EPHA2: variants seen among roughly 807,000 people sequenced by gnomAD.
EPHA2 encodes the protein EPH receptor A2.
In EPHA2, 54 loss-of-function variants were observed where a neutral mutation model predicts 104.9. That is an observed-to-expected ratio of 0.51 (90% CI 0.41 to 0.65). The LOEUF (loss-of-function observed/expected upper bound fraction) is 0.65, where lower values mean the gene tolerates loss of function less well. Among genes scored for constraint, EPHA2 ranks in the 30% least tolerant of loss-of-function variants. The pLI, the probability that EPHA2 is intolerant of heterozygous loss-of-function variation, is 0.00. For missense variants in EPHA2, 1,117 were observed against 1,369.5 expected (o/e 0.82, Z 2.91); for synonymous variants, 560 against 559.1 (o/e 1.00, Z -0.02).
In EPHA2 at chr1:16,138,066, C is replaced by G. The variant is rs763114831; in HGVS notation, c.1099G>C (p.Glu367Gln). The G allele has an allele frequency of 6.2e-7, 1 of 1,612,578 alleles. No homozygotes were observed. Among genetic ancestry groups the G allele is most frequent in the African/African-American group, 1.3e-5 (1 of 74,954 alleles). ...TCCCCAGACTCGGGCCAGCACTGTT[C>G]GCAGGTGACGCTGTAGACAATGTCC... ...REDIVYSVTC[E>Q]QCWPESGECG... The change falls in exon 5 of 17, where the codon GAA becomes CAA. Residue 367 changes from glutamate (E) to glutamine (Q), a missense_variant. Transcript: ENST00000358432.
In EPHA2 at chr1:16,129,565, C is replaced by A. The variant is rs768602571; in HGVS notation, c.2694G>T (p.Thr898=). The change falls in exon 16 of 17, where the codon ACG becomes ACT. Residue 898 remains threonine (T), a synonymous_variant. Coordinates refer to ENST00000358432, the MANE Select transcript of EPHA2 (RefSeq NM_004431.5). ...GGAAGGGCACCCCCTCCGAGCCGCT[C>A]GTGCTGGGGAGCCGGATAGACACGC... ...DPRVSIRLPS[T]SGSEGVPFRT... is the part of the protein sequence containing the mutation. The A allele has an allele frequency of 1.2e-6, 2 of 1,612,374 alleles. No individual in the cohort carries two copies. Among genetic ancestry groups the A allele is most frequent in the Non-Finnish European group, 1.7e-6 (2 of 1,179,910 alleles).
At chr1:16,149,666 T>C (rs1486400325) in intron 2 of EPHA2, among the ~76,000 whole-genome samples, 1 of 152,186 alleles carries the variant, frequency 6.6e-6, no homozygotes, top group African/African-American at 2.4e-5. Context: ...TAGGCTACAG[T>C]TGGGCCAGGT....
rs763497734 is a variant in EPHA2, at chr1:16,150,946, C to G, written c.103G>C (p.Ala35Pro). 6.2e-7 allele frequency: 1 copy of G among 1,614,122 alleles called. No homozygotes were observed. Among genetic ancestry groups the G allele is most frequent in the Non-Finnish European group, 8.5e-7 (1 of 1,180,014 alleles). Residue 35 changes from alanine to proline, a missense_variant, in exon 2 of 17, where the codon GCT becomes CCT. Ala to Pro is a conservative substitution (Grantham distance 27). Around this residue, in one of 3 missense-constraint regions of EPHA2, gnomAD observed 664 missense variants for 784.8 expected, o/e 0.85. Coordinates refer to ENST00000358432, the MANE Select transcript of EPHA2 (RefSeq NM_004431.5). The surrounding 1 kb of genome is among the most constrained non-coding windows in gnomAD (Gnocchi z 4.8). ...CAGCCGAGCTCCCCTCCAGCTGCAG[C>G]AAAGTCCAGCAGTACCACTGAAAGG... ...QGKEVVLLDF[A>P]AAGGELGWLT...
rs897450743 is a variant in EPHA2, at chr1:16,153,129, GGA to G, written c.86-2168_86-2167del. The stretch of plus-strand genomic sequence containing the variant: ...TCCCCTTACCTTCCCATTTCTGGGG[GGA>G]AAAAAAAAAAGCAAAAAACACCTCC... On this transcript the variant is annotated intron_variant, in intron 1 of 16. Coordinates refer to ENST00000358432, the MANE Select transcript of EPHA2 (RefSeq NM_004431.5). 182 of 871,944 alleles carry G rather than the reference GGA, an allele frequency of 2.1e-4. No individual in the cohort carries two copies. The Middle Eastern group carries it at 3.6e-3, about 17-fold the overall frequency. The allele number at this position is 871,944 out of a possible 1,614,324, so 54.0% of individuals were successfully genotyped here. A position where few individuals can be genotyped will look rare whatever the true frequency, so the allele number is the denominator to read the frequency against.
chr1:16,142,067 C>T (rs1266387455), intron 3 of EPHA2, among the ~76,000 whole-genome samples: 1 of 152,178 alleles, frequency 6.6e-6, no homozygotes, highest in Non-Finnish European at 1.5e-5. Flanking sequence ...GGGTCACACA[C>T]ACTCAAACAC....
rs148797323 is a variant in EPHA2 at position 16,130,921 on chromosome 1, C to T, written c.2476-502G>A. On this transcript the variant is annotated intron_variant, in intron 14 of 16. Transcript: ENST00000358432. The surrounding 1 kb of genome is among the most constrained non-coding windows in gnomAD (Gnocchi z 4.5). ...CTAGGATTACAGGCATGCGCCATTG[C>T]TCCCAGCTAGAAGGGACCCTGCTCC... Among the ~76,000 whole-genome samples, 337 of 152,288 alleles carry T rather than the reference C, an allele frequency of 2.2e-3. 4 individuals are homozygous for T. Among genetic ancestry groups the T allele is most frequent in the African/African-American group, 7.7e-3 (321 of 41,572 alleles).
At position 16,134,584 on chromosome 1, in the gene EPHA2, G is replaced by A. The variant is rs777053879; in HGVS notation, c.1583-17C>T. On this transcript the variant is annotated splice_polypyrimidine_tract_variant and intron_variant, in intron 7 of 16. Transcript: ENST00000358432. The surrounding 1 kb of genome is among the most constrained non-coding windows in gnomAD (Gnocchi z 4.5). ...CCTCCGGGGCTGGTGGAAGAAATCA[G>A]CTGATGACAAGGGAGTTCCCCCACA... The A allele has an allele frequency of 3.7e-6, 6 of 1,613,224 alleles. No homozygotes were observed. Among genetic ancestry groups the A allele is most frequent in the Non-Finnish European group, 3.4e-6 (4 of 1,179,540 alleles).
intron 5 of EPHA2, among the ~76,000 whole-genome samples, chr1:16,137,369 C>T (rs1266427769): frequency 3.3e-5 from 5 of 151,548 alleles, no homozygotes; most frequent in Admixed American, 6.6e-5. Context: ...GAGGCCGAGG[C>T]GGGCGGATCG....
Position 16,131,931 on chromosome 1 carries a change from G to A in EPHA2, c.2326-61C>T. The stretch of plus-strand genomic sequence containing the variant: ...TCTGGCTGGCCCCAGGACCATTGCA[G>A]CCAAGCCCCACGACCCCTCCCTGGA... On this transcript the variant is annotated intron_variant, in intron 13 of 16. Coordinates refer to ENST00000358432, the MANE Select transcript of EPHA2 (RefSeq NM_004431.5). The surrounding 1 kb of genome is among the most constrained non-coding windows in gnomAD (Gnocchi z 5.2). The A allele has an allele frequency of 6.2e-7, 1 of 1,601,548 alleles. No homozygotes were observed. Among genetic ancestry groups the A allele is most frequent in the Non-Finnish European group, 8.5e-7 (1 of 1,173,384 alleles).
rs752241943 is a variant in EPHA2, at chr1:16,135,097, C to T, written c.1521G>A (p.Val507=). ...LAPDTTYLVQ[V]QALTQEGQGA... ...CCTGGCCCTCCTGCGTCAGTGCCTG[C>T]ACCTGGACCAGGTAGGTGGTGTCTG... Residue 507 remains valine (V), a synonymous_variant, in exon 7 of 17, where the codon GTG becomes GTA. Transcript: ENST00000358432. This position sits in a 1 kb window ranked among gnomAD's most constrained non-coding sequence, Gnocchi z 4.3. 1 of 1,613,820 alleles carries T rather than the reference C, an allele frequency of 6.2e-7. No homozygotes were observed. The highest frequency in any genetic ancestry group is 8.5e-7 in the Non-Finnish European group (1 of 1,180,036).
chr1:16,130,805 T>A lies in EPHA2; in HGVS notation c.2476-386A>T, dbSNP rs1273663371. On this transcript the variant is annotated intron_variant, in intron 14 of 16. Coordinates refer to ENST00000358432, the MANE Select transcript of EPHA2 (RefSeq NM_004431.5). The surrounding 1 kb of genome is among the most constrained non-coding windows in gnomAD (Gnocchi z 4.5). ...CCAACACACTTGGCTAATTTTTTAA[T>A]TTTTTGTAGAGATGGGGTTTCGTCA... Among the ~76,000 whole-genome samples, 3 of 152,136 alleles carry A rather than the reference T, an allele frequency of 2.0e-5. No homozygotes were observed. The highest frequency in any genetic ancestry group is 4.4e-5 in the Non-Finnish European group (3 of 68,022).
Position 16,138,253 on chromosome 1 carries a change from CCT to C in EPHA2, c.979+20_979+21del. ...GACACGTCACCCTCAGTCACGCCAC[CCT>C]GACCCACTGCAAGACTCACGTGTGC... On this transcript the variant is annotated intron_variant, in intron 4 of 16. Coordinates refer to ENST00000358432, the MANE Select transcript of EPHA2 (RefSeq NM_004431.5). 6.2e-7 allele frequency: 1 copy of C among 1,613,066 alleles called. No homozygotes were observed. Among genetic ancestry groups the C allele is most frequent in the African/African-American group, 1.3e-5 (1 of 75,018 alleles).
At chr1:16,136,692 G>GGAA (rs545827541) in intron 5 of EPHA2, among the ~76,000 whole-genome samples, 1 of 59,994 alleles carries the variant, frequency 1.7e-5, no homozygotes, top group East Asian at 6.1e-4. Context: ...AAGAAGAAGA[G>GGAA]GAAGAAGAAG....
In EPHA2 at chr1:16,134,754, T is replaced by A. The variant is rs2024648804; in HGVS notation, c.1583-187A>T. On this transcript the variant is annotated intron_variant, in intron 7 of 16. Coordinates refer to ENST00000358432, the MANE Select transcript of EPHA2 (RefSeq NM_004431.5). The surrounding 1 kb of genome is among the most constrained non-coding windows in gnomAD (Gnocchi z 4.5). ...GCCTTCCCGAAGGTCTCACGGGAGG[T>A]ATTGCAGGTATGTGGGGCTCAAAGC... Among the ~76,000 whole-genome samples, 1 of 152,048 alleles carries A rather than the reference T, an allele frequency of 6.6e-6. No homozygotes were observed. The highest frequency in any genetic ancestry group is 1.5e-5 in the Non-Finnish European group (1 of 68,008).
rs200893130 is a variant in EPHA2, at chr1:16,132,176, C to T, written c.2213G>A (p.Arg738His). 6.8e-6 allele frequency: 11 copies of T among 1,614,218 alleles called. No homozygotes were observed. Among genetic ancestry groups the T allele is most frequent in the Middle Eastern group, 1.6e-4 (1 of 6,062 alleles). ...KYLANMNYVH[R>H]DLAARNILVN... ...GAGGATGTTGCGGGCAGCCAGGTCA[C>T]GGTGCACATAGTTCATGTTGGCCAG... Residue 738 changes from arginine to histidine, a missense_variant, in exon 13 of 17, where the codon CGT becomes CAT. Physicochemically the swap from Arg to His is conservative, Grantham distance 29. This residue lies in a region of EPHA2 where 340 missense variants were observed against 480.5 expected (regional missense o/e 0.71). Transcript: ENST00000358432.
In EPHA2 at chr1:16,135,114, TG is replaced by T; in HGVS notation, c.1503del (p.Thr502ProfsTer9). ...SVTLDDLAPDTTYLVQVQALT... is the reference protein window; with the variant it reads ...SVTLDDLAPDXTYLVQVQALT... ...AGTGCCTGCACCTGGACCAGGTAGG[TG>T]GTGTCTGGGGCCAGGTCGTCCAGGG... On this transcript the variant is annotated frameshift_variant, in exon 7 of 17. Transcript: ENST00000358432. LOFTEE classifies it high-confidence loss of function. This position sits in a 1 kb window ranked among gnomAD's most constrained non-coding sequence, Gnocchi z 4.3. The T allele has an allele frequency of 6.2e-7, 1 of 1,613,874 alleles. No homozygotes were observed. Among genetic ancestry groups the T allele is most frequent in the South Asian group, 1.1e-5 (1 of 91,074 alleles).
intron 3 of EPHA2, among the ~76,000 whole-genome samples, chr1:16,147,389 T>C (rs2024953445): frequency 6.6e-6 from 1 of 152,006 alleles, no homozygotes; most frequent in African/African-American, 2.4e-5. Flanking sequence ...GCTCCGCGGG[T>C]GATCCTGATA....
chr1:16,133,131 C>G (rs1324109240), intron 11 of EPHA2, 49 bp downstream of exon 11: 1 of 1,609,042 alleles, frequency 6.2e-7, no homozygotes, highest in South Asian at 1.1e-5. Flanking sequence ...GACAGAGCCC[C>G]TGCTAAGTGG....
Position 16,148,936 on chromosome 1 carries a change from C to G in EPHA2, c.265G>C (p.Gly89Arg). The G allele has an allele frequency of 6.2e-7, 1 of 1,614,160 alleles. No homozygotes were observed. The highest frequency in any genetic ancestry group is 8.5e-7 in the Non-Finnish European group (1 of 1,180,054). ...TCAATGAAGATACGCTCAGCCTCTC[C>G]TCGGTACACCCAGTTGGTGCGGAGC... ...NWLRTNWVYR[G>R]EAERIFIELK... Residue 89 changes from glycine to arginine, a missense_variant, in exon 3 of 17, where the codon GGA becomes CGA. Transcript: ENST00000358432. The surrounding 1 kb of genome is among the most constrained non-coding windows in gnomAD (Gnocchi z 4.9).
Sources: allele counts gnomAD v4.1 joint callset (sites outside exome capture counted in the v4.1 genomes callset), GRCh38; gene constraint gnomAD v4.1.1; regional missense constraint gnomAD v4.1.1; non-coding constraint Gnocchi (gnomAD v3.1); transcripts MANE v1.5; gene names NCBI Gene and HGNC (gene_info 2026-07-23, HGNC 2026-07-21).